The following BBS9 variants were observed in gnomAD, a reference collection of about 807,000 sequenced individuals.
The protein encoded by BBS9 is protein PTHB1.
BBS9 carries 89 observed loss-of-function variants against 117.7 expected under a neutral mutation model. The ratio of observed to expected loss-of-function variants is 0.76; its 90% confidence interval spans 0.64 to 0.90. The LOEUF (loss-of-function observed/expected upper bound fraction) is 0.90, where lower values mean the gene tolerates loss of function less well. BBS9 is among the 40% of genes least tolerant of loss of function. The pLI, the probability that BBS9 is intolerant of heterozygous loss-of-function variation, is 0.00. For missense variants in BBS9, 982 were observed against 1,042.2 expected (o/e 0.94, Z 0.80); for synonymous variants, 379 against 370.9 (o/e 1.02, Z -0.25).
At chr7:33,293,928 C>G (rs997045927) in intron 9 of BBS9, among the ~76,000 whole-genome samples, 1 of 151,980 alleles carries the variant, frequency 6.6e-6, no homozygotes, top group Non-Finnish European at 1.5e-5. Flanking sequence ...TAGTGTGACT[C>G]CTAGAAATAT....
intron 5 of BBS9, among the ~76,000 whole-genome samples, chr7:33,198,745 A>G (rs1785338315): frequency 6.6e-6 from 1 of 152,004 alleles, no homozygotes; most frequent in Non-Finnish European, 1.5e-5. Context: ...AAACTTTATA[A>G]TAAGGGAGGA....
intron 13 of BBS9, chr7:33,349,441 A>G (rs1049175040): frequency 6.8e-6 from 3 of 439,406 alleles, no homozygotes; most frequent in East Asian, 1.2e-4. Context: ...TGATTTATTT[A>G]TTTATTTTTG....
intron 21 of BBS9, among the ~76,000 whole-genome samples, chr7:33,611,873 A>AATCCTTTAATATTAAAGGATAAAATAT (rs1181198305): frequency 5.5e-5 from 8 of 144,494 alleles, no homozygotes; most frequent in East Asian, 2.0e-4. Flanking sequence ...GAATAAATAT[A>AATCCTTTAATATTAAAGGATAAAATAT]ATCCTTTAAT....
chr7:33,164,402 G>A (rs542012296), intron 4 of BBS9, among the ~76,000 whole-genome samples: 47 of 152,224 alleles, frequency 3.1e-4, no homozygotes, highest in Non-Finnish European at 5.3e-4. Flanking sequence ...TTTCTGTCTC[G>A]TTGATCTGTC....
intron 21 of BBS9, among the ~76,000 whole-genome samples, chr7:33,565,828 C>G (rs965532087): frequency 1.1e-4 from 2 of 18,208 alleles, no homozygotes; most frequent in African/African-American, 5.8e-4. Context: ...TATATATATA[C>G]CGCTATATAT....
intron 18 of BBS9, among the ~76,000 whole-genome samples, chr7:33,387,154 A>G (rs1036732244): frequency 3.9e-5 from 6 of 152,174 alleles, no homozygotes; most frequent in African/African-American, 1.4e-4. Flanking sequence ...ATGTCTTACT[A>G]TGATAACAAT....
intron 18 of BBS9, among the ~76,000 whole-genome samples, chr7:33,384,980 G>A (rs1825758835): frequency 6.6e-6 from 1 of 152,100 alleles, no homozygotes; most frequent in African/African-American, 2.4e-5. Flanking sequence ...CAGTCTGTAA[G>A]AGTATGTTTA....
intron 21 of BBS9, among the ~76,000 whole-genome samples, chr7:33,571,662 T>C (rs1857815931): frequency 6.6e-6 from 1 of 152,084 alleles, no homozygotes; most frequent in African/African-American, 2.4e-5. Flanking sequence ...TTCATTAGTA[T>C]AGAACTCTTA....
At chr7:33,202,490 G>C (rs899055442) in intron 5 of BBS9, among the ~76,000 whole-genome samples, 1 of 152,134 alleles carries the variant, frequency 6.6e-6, no homozygotes. Flanking sequence ...ACCCAAGATT[G>C]GGTAATTTAT....
intron 9 of BBS9, among the ~76,000 whole-genome samples, chr7:33,323,833 CTTT>C (rs1227126451): frequency 9.5e-6 from 1 of 105,166 alleles, no homozygotes; most frequent in African/African-American, 4.0e-5. Context: ...TCCTGTCTTC[CTTT>C]TTTTTTTTTT....
chr7:33,452,100 C>T (rs1837967925), intron 19 of BBS9, among the ~76,000 whole-genome samples: 1 of 152,138 alleles, frequency 6.6e-6, no homozygotes, highest in Non-Finnish European at 1.5e-5. Context: ...TCCCCAAGTG[C>T]TGGAATTACA....
chr7:33,623,983 AT>A (rs1865526696), intron 21 of BBS9, among the ~76,000 whole-genome samples: 1 of 78,940 alleles, frequency 1.3e-5, no homozygotes, highest in African/African-American at 3.0e-5. Context: ...TCATTCTATT[AT>A]TAAAAAAAAA....
chr7:33,445,055 G>A (rs1042053411), intron 19 of BBS9, among the ~76,000 whole-genome samples: 1 of 152,162 alleles, frequency 6.6e-6, no homozygotes, highest in Non-Finnish European at 1.5e-5. Flanking sequence ...GGGGAAGTGA[G>A]TGGAGAAAGG....
At position 33,257,333 on chromosome 7, in the gene BBS9, G is replaced by T; in HGVS notation, c.540G>T (p.Leu180=). ...GAAGATTTCTCCCTGGCTTTCTTCT[G>T]CCTGGTCCTCTTGCCTACAGTTCCC... is the stretch of plus-strand genomic sequence containing the variant. ...AFGRFLPGFL[L]PGPLAYSSRT... The change falls in exon 6 of 23, where the codon CTG becomes CTT. Residue 180 remains leucine, a synonymous_variant. Coordinates refer to ENST00000242067, the MANE Select transcript of BBS9 (RefSeq NM_198428.3). 2 of 1,613,914 alleles carry T rather than the reference G, an allele frequency of 1.2e-6. No homozygotes were observed. Among genetic ancestry groups the T allele is most frequent in the South Asian group, 2.2e-5 (2 of 91,064 alleles).
At chr7:33,181,933 C>A (rs1798157913) in intron 5 of BBS9, among the ~76,000 whole-genome samples, 1 of 151,898 alleles carries the variant, frequency 6.6e-6, no homozygotes, top group African/African-American at 2.4e-5. Context: ...AATACAAAAA[C>A]AAAATTAGCT....
At chr7:33,464,643 T>C (rs1839911002) in intron 19 of BBS9, among the ~76,000 whole-genome samples, 1 of 151,952 alleles carries the variant, frequency 6.6e-6, no homozygotes, top group Non-Finnish European at 1.5e-5. Flanking sequence ...TTCTGTTAGG[T>C]TGTAAATAAA....
chr7:33,315,223 A>G (rs1810226084), intron 9 of BBS9, among the ~76,000 whole-genome samples: 1 of 152,192 alleles, frequency 6.6e-6, no homozygotes, highest in Non-Finnish European at 1.5e-5. Context: ...GAAGGCTGTC[A>G]GGGAGAATCT....
intron 9 of BBS9, among the ~76,000 whole-genome samples, chr7:33,329,056 T>G (rs1813436331): frequency 6.6e-6 from 1 of 150,556 alleles, no homozygotes; most frequent in South Asian, 2.1e-4. Context: ...GTTTCGCTCT[T>G]GTGTCCCAGG....
intron 10 of BBS9, among the ~76,000 whole-genome samples, chr7:33,338,246 G>C (rs1439218969): frequency 2.0e-5 from 3 of 151,756 alleles, no homozygotes; most frequent in Admixed American, 2.0e-4. Context: ...AAACTGAGAG[G>C]TATTTAAAAC....
Sources: gnomAD v4.1 joint callset for allele counts (sites outside exome capture counted in the v4.1 genomes callset) on GRCh38, gnomAD v4.1.1 for gene constraint, MANE v1.5 for transcripts, NCBI Gene and HGNC (gene_info 2026-07-23, HGNC 2026-07-21) for gene names.